ZFPM2: variants seen among roughly 807,000 people sequenced by gnomAD.
ZFPM2 encodes zinc finger protein, FOG family member 2.
A neutral mutation model predicts 98.6 loss-of-function variants in ZFPM2; 20 were observed. The ratio of observed to expected loss-of-function variants is 0.20; its 90% CI spans 0.14 to 0.29. The LOEUF (loss-of-function observed/expected upper bound fraction) is 0.29, where lower values mean the gene tolerates loss of function less well. Ranked by LOEUF, ZFPM2 falls within the 10% of genes least tolerant of loss-of-function variation. ZFPM2 has a pLI of 1.00. For missense variants in ZFPM2, 1,310 were observed against 1,388.6 expected (o/e 0.94, Z 0.90); for synonymous variants, 518 against 502.7 (o/e 1.03, Z -0.41).
intron 5 of ZFPM2, among the ~76,000 whole-genome samples, chr8:105,656,206 C>T (rs1413601473): frequency 1.3e-5 from 2 of 151,986 alleles, no homozygotes; most frequent in Non-Finnish European, 2.9e-5. Flanking sequence ...TTACATAGAA[C>T]CAACTAAGAA....
chr8:105,422,846 A>G (rs1322303814), intron 2 of ZFPM2, among the ~76,000 whole-genome samples: 2 of 152,186 alleles, frequency 1.3e-5, no homozygotes, highest in Non-Finnish European at 2.9e-5. Context: ...AAAACCAATC[A>G]TATGTTATCA....
intron 5 of ZFPM2, 51 bp downstream of exon 5, chr8:105,634,408 A>G (rs535952199): frequency 2.9e-6 from 4 of 1,373,756 alleles, no homozygotes; most frequent in East Asian, 4.8e-5. Context: ...AAACCTGAGC[A>G]TTGCAAAACA....
intron 3 of ZFPM2, among the ~76,000 whole-genome samples, chr8:105,558,588 A>G (rs1815053627): frequency 6.6e-6 from 1 of 152,208 alleles, no homozygotes; most frequent in Non-Finnish European, 1.5e-5. Flanking sequence ...GTAGTTCTTA[A>G]TCCATTAAAA....
intron 3 of ZFPM2, among the ~76,000 whole-genome samples, chr8:105,530,701 C>T (rs1158934425): frequency 6.6e-6 from 1 of 152,108 alleles, no homozygotes; most frequent in Non-Finnish European, 1.5e-5. Context: ...CCTTATTTAT[C>T]TATTAAAGAC....
At chr8:105,552,828 T>TTTTTTG (rs1814894144) in intron 3 of ZFPM2, among the ~76,000 whole-genome samples, 1 of 150,072 alleles carries the variant, frequency 6.7e-6, no homozygotes, top group African/African-American at 2.5e-5. Context: ...TTTTTTTTTT[T>TTTTTTG]TTTTTAAAGA....
intron 3 of ZFPM2, among the ~76,000 whole-genome samples, chr8:105,510,723 C>T (rs1438574817): frequency 7.2e-6 from 1 of 138,340 alleles, no homozygotes; most frequent in African/African-American, 3.2e-5. Flanking sequence ...TTCAAAGACT[C>T]CTTCCAATGA....
At chr8:105,800,767 C>T (rs1777143638) in intron 7 of ZFPM2, among the ~76,000 whole-genome samples, 1 of 152,128 alleles carries the variant, frequency 6.6e-6, no homozygotes, top group African/African-American at 2.4e-5. Context: ...ATTCCTTTAG[C>T]CTCCTTCAGC....
intron 1 of ZFPM2, among the ~76,000 whole-genome samples, chr8:105,355,172 T>C (rs1169772892): frequency 1.3e-5 from 2 of 152,364 alleles, no homozygotes; most frequent in South Asian, 4.1e-4. Context: ...AACAGTTTGT[T>C]GCATTCCTAC....
chr8:105,616,787 G>GT, intron 4 of ZFPM2: 2 of 254,548 alleles, frequency 7.9e-6, no homozygotes, highest in Non-Finnish European at 1.6e-5. Flanking sequence ...GGAGGCCCAG[G>GT]CGGGTGGATC....
chr8:105,351,131 C>T (rs1190011166), intron 1 of ZFPM2, among the ~76,000 whole-genome samples: 1 of 143,174 alleles, frequency 7.0e-6, no homozygotes, highest in Admixed American at 7.2e-5. Context: ...TGCAGTGAGC[C>T]GAGATCACAC....
At chr8:105,441,955 T>A (rs867671796) in intron 2 of ZFPM2, among the ~76,000 whole-genome samples, 1 of 152,234 alleles carries the variant, frequency 6.6e-6, no homozygotes, top group South Asian at 2.1e-4. Flanking sequence ...AAACCCTTTT[T>A]TGTTCCTGAG....
chr8:105,555,630 A>C (rs12549114), intron 3 of ZFPM2, among the ~76,000 whole-genome samples: 18,364 of 152,168 alleles, frequency 0.12, 1,185 homozygotes, highest in South Asian at 0.17. Flanking sequence ...TAAAATGTTT[A>C]TGTTTCTGTT....
intron 3 of ZFPM2, among the ~76,000 whole-genome samples, chr8:105,540,284 G>A (rs140662849): frequency 2.4e-4 from 37 of 152,160 alleles, no homozygotes; most frequent in African/African-American, 8.2e-4. Context: ...CATGTTTATA[G>A]GTATCTCAAT....
intron 5 of ZFPM2, among the ~76,000 whole-genome samples, chr8:105,715,261 G>A (rs544003752): frequency 3.5e-4 from 53 of 152,006 alleles, no homozygotes; most frequent in African/African-American, 1.2e-3. Context: ...TTAGGCAGAT[G>A]TGGTGGTGTG....
chr8:105,651,734 A>G (rs1231397406), intron 5 of ZFPM2, among the ~76,000 whole-genome samples: 1 of 152,152 alleles, frequency 6.6e-6, no homozygotes, highest in Non-Finnish European at 1.5e-5. Context: ...CTCCACAGCC[A>G]GCGCACAGTA....
intron 5 of ZFPM2, among the ~76,000 whole-genome samples, chr8:105,784,113 T>C (rs1184021763): frequency 6.6e-6 from 1 of 152,124 alleles, no homozygotes; most frequent in African/African-American, 2.4e-5. Flanking sequence ...GGTCAAAGGG[T>C]ACAAGATACC....
At chr8:105,365,901 C>T (rs1003503026) in intron 1 of ZFPM2, among the ~76,000 whole-genome samples, 11 of 152,136 alleles carry the variant, frequency 7.2e-5, no homozygotes, top group African/African-American at 1.9e-4. Flanking sequence ...TTTAGTTTTC[C>T]GTGCAATTCA....
At chr8:105,565,904 G>C (rs183298546) in intron 4 of ZFPM2, among the ~76,000 whole-genome samples, 6 of 152,272 alleles carry the variant, frequency 3.9e-5, no homozygotes, top group Admixed American at 3.9e-4. Context: ...TATAGCCAGA[G>C]ATTTGTTATA....
At chr8:105,576,977 A>G (rs1815481300) in intron 4 of ZFPM2, among the ~76,000 whole-genome samples, 2 of 151,972 alleles carry the variant, frequency 1.3e-5, no homozygotes, top group South Asian at 4.1e-4. Context: ...CTTTACAGTC[A>G]TATGAAAGGG....
Sources: allele counts gnomAD v4.1 joint callset (sites outside exome capture counted in the v4.1 genomes callset), GRCh38; gene constraint gnomAD v4.1.1; transcripts MANE v1.5; gene names NCBI Gene and HGNC (gene_info 2026-07-23, HGNC 2026-07-21).